Variants in GALNT13 observed in about 807,000 individuals in gnomAD.
GALNT13 encodes the protein UDP-GalNAc:polypeptide N-acetylgalactosaminyltransferase 13.
Under a neutral mutation model 64.2 loss-of-function variants are expected in GALNT13, and 28 were observed. The observed-to-expected ratio is 0.44, with a 90% CI of 0.32 to 0.60. GALNT13 has a LOEUF of 0.60. Ranked by LOEUF, GALNT13 falls within the 20% of genes least tolerant of loss-of-function variation. The pLI, the probability that GALNT13 is intolerant of heterozygous loss-of-function variation, is 0.05. For missense variants in GALNT13, 577 were observed against 669.8 expected, an observed-to-expected ratio of 0.86 and a Z score of 1.53; for synonymous variants, 214 against 224.6, an observed-to-expected ratio of 0.95 and a Z score of 0.42.
At chr2:153,719,451 G>C in the GALNT13 span, among the ~76,000 whole-genome samples, 2 of 152,140 alleles carry the variant, frequency 1.3e-5, no homozygotes, top group African/African-American at 4.8e-5. Flanking sequence ...TAATATGGGG[G>C]GAGGAGCCAA....
the GALNT13 span, among the ~76,000 whole-genome samples, chr2:153,488,052 T>C: frequency 3.9e-5 from 6 of 152,216 alleles, no homozygotes; most frequent in Non-Finnish European, 8.8e-5. Flanking sequence ...AAATAAATCA[T>C]ACCAGAGATG....
At chr2:153,619,337 T>A in the GALNT13 span, among the ~76,000 whole-genome samples, 4 of 152,120 alleles carry the variant, frequency 2.6e-5, no homozygotes, top group Non-Finnish European at 5.9e-5. Flanking sequence ...TTCATCTTCC[T>A]GCTTTAAAAC....
the GALNT13 span, among the ~76,000 whole-genome samples, chr2:153,710,011 AG>A: frequency 1.3e-5 from 2 of 152,062 alleles, no homozygotes; most frequent in Non-Finnish European, 2.9e-5. Context: ...TGATGGTCAT[AG>A]GGTACAAAGC....
intron 4 of GALNT13, among the ~76,000 whole-genome samples, chr2:154,204,223 C>A (rs1687319619): frequency 1.3e-5 from 2 of 152,136 alleles, no homozygotes; most frequent in Admixed American, 1.3e-4. Flanking sequence ...TGTGGTGCTA[C>A]CATTCTATTC....
the GALNT13 span, among the ~76,000 whole-genome samples, chr2:153,207,739 C>G: frequency 1.3e-5 from 2 of 152,050 alleles, no homozygotes; most frequent in Admixed American, 6.5e-5. Flanking sequence ...CGATGTGTGT[C>G]AATTAATTAG....
At chr2:153,844,289 T>A in the GALNT13 span, among the ~76,000 whole-genome samples, 1 of 152,214 alleles carries the variant, frequency 6.6e-6, no homozygotes, top group Non-Finnish European at 1.5e-5. Context: ...ACCTGCAGAT[T>A]TAACACCACA....
chr2:154,279,567 T>C (rs1691845925), intron 8 of GALNT13, among the ~76,000 whole-genome samples: 1 of 152,150 alleles, frequency 6.6e-6, no homozygotes, highest in East Asian at 1.9e-4. Context: ...ATGTTCTCTA[T>C]GGAGCAACTT....
At position 154,007,451 on chromosome 2, in the gene GALNT13, C is replaced by T. The variant is rs757263818; in HGVS notation, c.142+62812C>T. On this transcript the variant is annotated intron_variant, in intron 3 of 12. Transcript: ENST00000392825. ...CCTTAAATGGGAAAATGAAAGGTTG[C>T]GATTATTCTGTATAGTTCCTTTCAT... 3.3e-5 allele frequency among the ~76,000 whole-genome samples: 5 copies of T among 151,818 alleles called. 1 individual carries two copies. The highest frequency in any genetic ancestry group is 5.9e-5 in the Non-Finnish European group (4 of 67,932).
chr2:153,775,938 C>CT, the GALNT13 span, among the ~76,000 whole-genome samples: 1 of 151,968 alleles, frequency 6.6e-6, no homozygotes, highest in East Asian at 1.9e-4. Flanking sequence ...TATTAAAACT[C>CT]TAAGATTATT....
the GALNT13 span, among the ~76,000 whole-genome samples, chr2:153,087,272 T>C: frequency 6.6e-6 from 1 of 152,212 alleles, no homozygotes; most frequent in African/African-American, 2.4e-5. Flanking sequence ...GATTATGTGA[T>C]CTATCATATT....
chr2:153,220,338 C>T, the GALNT13 span, among the ~76,000 whole-genome samples: 1 of 152,214 alleles, frequency 6.6e-6, no homozygotes, highest in South Asian at 2.1e-4. Flanking sequence ...ATAAATACAC[C>T]TAGAACTGGT....
chr2:154,024,625 G>A (rs1049791558), intron 3 of GALNT13, among the ~76,000 whole-genome samples: 1 of 151,812 alleles, frequency 6.6e-6, no homozygotes, highest in African/African-American at 2.4e-5. Flanking sequence ...TAACTTCTTT[G>A]CCATTGGTTT....
At chr2:153,895,780 A>C (rs1223661187) in intron 1 of GALNT13, among the ~76,000 whole-genome samples, 1 of 152,012 alleles carries the variant, frequency 6.6e-6, no homozygotes, top group African/African-American at 2.4e-5. Context: ...TATCCTAAGG[A>C]AACAATCACG....
the GALNT13 span, among the ~76,000 whole-genome samples, chr2:153,499,204 G>C: frequency 6.6e-6 from 1 of 152,272 alleles, no homozygotes; most frequent in African/African-American, 2.4e-5. Flanking sequence ...CAGACAACTG[G>C]AGGACGAGCA....
At chr2:153,889,291 T>C (rs1687386834) in intron 1 of GALNT13, among the ~76,000 whole-genome samples, 1 of 151,898 alleles carries the variant, frequency 6.6e-6, no homozygotes, top group South Asian at 2.1e-4. Flanking sequence ...TCAAATTAAA[T>C]TTTGCCAGGT....
chr2:153,217,871 T>G, the GALNT13 span, among the ~76,000 whole-genome samples: 1 of 152,184 alleles, frequency 6.6e-6, no homozygotes, highest in Non-Finnish European at 1.5e-5. Flanking sequence ...CCTCATTATT[T>G]TTATTTTTAA....
the GALNT13 span, among the ~76,000 whole-genome samples, chr2:153,530,636 G>C: frequency 3.9e-5 from 6 of 152,050 alleles, no homozygotes; most frequent in East Asian, 1.2e-3. Context: ...TGGAGTTGTA[G>C]TAACCAAACA....
chr2:153,788,559 A>G, the GALNT13 span, among the ~76,000 whole-genome samples: 2 of 152,128 alleles, frequency 1.3e-5, no homozygotes, highest in African/African-American at 4.8e-5. Flanking sequence ...GACATAATAA[A>G]CAGCTAATAA....
At chr2:153,307,735 A>AT in the GALNT13 span, among the ~76,000 whole-genome samples, 1,094 of 152,052 alleles carry the variant, frequency 7.2e-3, 1 homozygote, top group Non-Finnish European at 0.013. Context: ...GAGATCATAG[A>AT]TTTTTTTTCT....
Sources: gnomAD v4.1 joint callset for allele counts (sites outside exome capture counted in the v4.1 genomes callset) on GRCh38, gnomAD v4.1.1 for gene constraint, MANE v1.5 for transcripts, NCBI Gene and HGNC (gene_info 2026-07-23, HGNC 2026-07-21) for gene names.